Variants in MAPRE2 observed in about 807,000 individuals in gnomAD.
MAPRE2 encodes microtubule-associated protein RP/EB family member 2.
MAPRE2 carries 13 observed loss-of-function variants against 43.2 expected under a neutral mutation model. The ratio of observed to expected loss-of-function variants is 0.30; its 90% CI spans 0.20 to 0.48. MAPRE2 has a LOEUF of 0.48. Ranked by LOEUF, MAPRE2 falls within the 20% of genes least tolerant of loss-of-function variation. The pLI is 0.99. For missense variants in MAPRE2, 161 were observed against 400.2 expected (o/e 0.40, Z 5.10); for synonymous variants, 135 against 148.8 (o/e 0.91, Z 0.68).
intron 4 of MAPRE2, among the ~76,000 whole-genome samples, chr18:35,115,034 A>C (rs1330977367): frequency 6.6e-6 from 1 of 152,024 alleles, no homozygotes; most frequent in South Asian, 2.1e-4. Context: ...TTTGTTGCTT[A>C]GTATATTGGG....
chr18:35,070,518 A>G (rs1907058937), intron 2 of MAPRE2, 196 bp downstream of exon 2: 1 of 403,864 alleles, frequency 2.5e-6, no homozygotes, highest in Non-Finnish European at 4.4e-6. Context: ...CAGGAGCACA[A>G]GCAGAGCCAC....
intron 1 of MAPRE2, among the ~76,000 whole-genome samples, chr18:35,046,603 G>C (rs538368561): frequency 2.0e-5 from 3 of 152,210 alleles, no homozygotes; most frequent in Non-Finnish European, 4.4e-5. Context: ...ATTGACTGAA[G>C]ATAGTGTAAT....
intron 6 of MAPRE2, among the ~76,000 whole-genome samples, chr18:35,137,959 T>C (rs1910462333): frequency 2.0e-5 from 3 of 152,316 alleles, no homozygotes; most frequent in East Asian, 3.9e-4. Flanking sequence ...TTAGTTTCAT[T>C]CTTCTCCCTT....
At chr18:34,998,488 C>A (rs747237500) in intron 1 of MAPRE2, among the ~76,000 whole-genome samples, 2 of 151,810 alleles carry the variant, frequency 1.3e-5, no homozygotes, top group Admixed American at 1.3e-4. Flanking sequence ...CACCACACCC[C>A]GCTAATTTTT....
At chr18:34,997,316 C>T (rs2097027002) in intron 1 of MAPRE2, among the ~76,000 whole-genome samples, 1 of 152,126 alleles carries the variant, frequency 6.6e-6, no homozygotes, top group Non-Finnish European at 1.5e-5. Flanking sequence ...TAAAGGATTT[C>T]TTAGCATCCT....
At chr18:35,093,629 C>A (rs1408603840) in intron 2 of MAPRE2, among the ~76,000 whole-genome samples, 1 of 152,086 alleles carries the variant, frequency 6.6e-6, no homozygotes, top group African/African-American at 2.4e-5. Flanking sequence ...CATGGATGAA[C>A]GTGGAGGACG....
intron 2 of MAPRE2, among the ~76,000 whole-genome samples, chr18:35,026,910 T>C (rs983186997): frequency 3.3e-5 from 5 of 152,356 alleles, no homozygotes; most frequent in East Asian, 3.9e-4. Context: ...TTGTGGCTTA[T>C]AGTACGAACT....
At chr18:35,133,544 G>T (rs772883929) in intron 6 of MAPRE2, among the ~76,000 whole-genome samples, 13 of 150,982 alleles carry the variant, frequency 8.6e-5, no homozygotes, top group Non-Finnish European at 1.8e-4. Context: ...GGCTAAATCA[G>T]CTGAGATCTC....
In MAPRE2 at chr18:35,003,246, A is replaced by T. The variant is rs377134459; in HGVS notation, c.-69-2246A>T. On this transcript the variant is annotated intron_variant, in intron 1 of 7. Transcript: ENST00000413393. ...CCACATGCTAGGTCCTGAACTTATGATGATGGAGTGAAAGCTCTCCAGGTA... is the reference window on the plus strand; with the variant it reads ...CCACATGCTAGGTCCTGAACTTATGTTGATGGAGTGAAAGCTCTCCAGGTA... 1.1e-4 allele frequency among the ~76,000 whole-genome samples: 16 copies of T among 152,306 alleles called. 1 individual carries two copies. The highest frequency in any genetic ancestry group is 4.6e-4 in the Admixed American group (7 of 15,302).
At chr18:35,002,824 G>A (rs1416548764) in intron 1 of MAPRE2, among the ~76,000 whole-genome samples, 3 of 151,998 alleles carry the variant, frequency 2.0e-5, no homozygotes, top group Non-Finnish European at 4.4e-5. Flanking sequence ...CAGTTATTGG[G>A]CTTGCAAATA....
At chr18:35,096,079 C>G (rs539668729) in intron 2 of MAPRE2, among the ~76,000 whole-genome samples, 1 of 152,278 alleles carries the variant, frequency 6.6e-6, no homozygotes, top group Non-Finnish European at 1.5e-5. Flanking sequence ...GTCTTGTTCT[C>G]TCTTATCTCA....
chr18:35,033,867 T>C (rs370359080), intron 2 of MAPRE2, among the ~76,000 whole-genome samples: 1 of 143,174 alleles, frequency 7.0e-6, no homozygotes, highest in South Asian at 2.3e-4. Flanking sequence ...TAAAAGAGGA[T>C]ACAAACAAAT....
At chr18:34,989,982 C>G (rs2097022932) in intron 1 of MAPRE2, among the ~76,000 whole-genome samples, 1 of 152,200 alleles carries the variant, frequency 6.6e-6, no homozygotes, top group Non-Finnish European at 1.5e-5. Flanking sequence ...TTTTCATCCC[C>G]CTTGCATGGC....
chr18:35,006,724 AG>A (rs1160852237), intron 2 of MAPRE2, among the ~76,000 whole-genome samples: 13 of 152,226 alleles, frequency 8.5e-5, no homozygotes, highest in South Asian at 4.1e-4. Context: ...GCACTTTTGT[AG>A]GCTGAGGTGA....
intron 1 of MAPRE2, among the ~76,000 whole-genome samples, chr18:35,000,426 C>T (rs1289958657): frequency 6.6e-6 from 1 of 152,184 alleles, no homozygotes; most frequent in Non-Finnish European, 1.5e-5. Flanking sequence ...ATATATCTTT[C>T]ATGTTCCTGT....
intron 2 of MAPRE2, among the ~76,000 whole-genome samples, chr18:35,093,591 A>G (rs1473447811): frequency 1.3e-5 from 2 of 152,234 alleles, no homozygotes; most frequent in African/African-American, 2.4e-5. Context: ...AGTCATATAA[A>G]AAAATGAAAT....
intron 2 of MAPRE2, among the ~76,000 whole-genome samples, chr18:35,091,085 A>T (rs1173941583): frequency 6.6e-6 from 1 of 152,234 alleles, no homozygotes; most frequent in African/African-American, 2.4e-5. Flanking sequence ...ATGGAAAGCC[A>T]TGCCATGTTT....
intron 1 of MAPRE2, among the ~76,000 whole-genome samples, chr18:35,052,782 A>G (rs6507116): frequency 0.13 from 19,210 of 152,092 alleles, 1,959 homozygotes; most frequent in East Asian, 0.26. Context: ...TCTCATTGAG[A>G]TTTTAATTTC....
chr18:35,124,564 C>G (rs1909823945), intron 4 of MAPRE2, among the ~76,000 whole-genome samples: 1 of 152,208 alleles, frequency 6.6e-6, no homozygotes, highest in South Asian at 2.1e-4. Context: ...AGAACAAAGA[C>G]TGCATCTTAG....
Sources: allele counts gnomAD v4.1 joint callset (sites outside exome capture counted in the v4.1 genomes callset), GRCh38; gene constraint gnomAD v4.1.1; transcripts MANE v1.5; gene names NCBI Gene and HGNC (gene_info 2026-07-23, HGNC 2026-07-21).